Variants in PCDHA11 observed in about 807,000 individuals in gnomAD.
PCDHA11 encodes the protein protocadherin alpha 11.
Under a neutral mutation model 70.3 loss-of-function variants are expected in PCDHA11, and 61 were observed. The ratio of observed to expected loss-of-function variants is 0.87; its 90% CI spans 0.71 to 1.07. The LOEUF is 1.07. Ranked by LOEUF, PCDHA11 falls within the 50% of genes least tolerant of loss-of-function variation. The probability of loss-of-function intolerance (pLI) is 0.00; values close to 1 mark genes in which losing one functional copy is unlikely to be tolerated. For synonymous variants in PCDHA11, 633 were observed against 555.1 expected, an observed-to-expected ratio of 1.14 and a Z score of -1.97; for missense variants, 1,324 against 1,237.5, an observed-to-expected ratio of 1.07 and a Z score of -1.05.
rs1488505557 is a variant in PCDHA11 at position 140,967,448 on chromosome 5, A to G, written c.2392-11501A>G. The G allele has an allele frequency of 6.8e-6, 11 of 1,613,462 alleles. No individual in the cohort carries two copies. Among genetic ancestry groups the G allele is most frequent in the Non-Finnish European group, 9.3e-6 (11 of 1,179,888 alleles). On this transcript the variant is annotated intron_variant, in intron 1 of 3. Transcript: ENST00000398640. ...GGCAGCCTTGCACCACCTGGTTCTC[A>G]CAGCCGTGGATGGGGGCATCCCAGC...
chr5:140,935,230 CTA>C (rs1363291872), intron 1 of PCDHA11, among the ~76,000 whole-genome samples: 2 of 152,128 alleles, frequency 1.3e-5, no homozygotes, highest in African/African-American at 4.8e-5. Context: ...TAAGGGATGT[CTA>C]TTTTTTAAAA....
chr5:140,929,436 C>T, intron 1 of PCDHA11: 1 of 1,470,330 alleles, frequency 6.8e-7, no homozygotes, highest in Non-Finnish European at 9.1e-7. Context: ...TTGAACTAAA[C>T]ACTCCTTCTT....
At chr5:140,883,502 G>T in intron 1 of PCDHA11, 1 of 1,614,160 alleles carries the variant, frequency 6.2e-7, no homozygotes, top group Non-Finnish European at 8.5e-7. Context: ...GCTGGACAGC[G>T]CCCTGGACCG....
chr5:140,915,864 T>A (rs1170888594), intron 1 of PCDHA11, among the ~76,000 whole-genome samples: 1 of 152,166 alleles, frequency 6.6e-6, no homozygotes. Flanking sequence ...CAAGTTTGCA[T>A]CCTTCCCTTT....
intron 1 of PCDHA11, among the ~76,000 whole-genome samples, chr5:140,886,261 T>C (rs1162814294): frequency 1.3e-5 from 2 of 152,036 alleles, no homozygotes; most frequent in African/African-American, 4.8e-5. Context: ...TCTCTATTTA[T>C]AGATAAAATT....
At chr5:140,923,423 G>A (rs533295733) in intron 1 of PCDHA11, among the ~76,000 whole-genome samples, 1 of 152,142 alleles carries the variant, frequency 6.6e-6, no homozygotes. Context: ...GGCTACTTGG[G>A]AGGCTGGGGT....
chr5:140,870,638 A>G lies in PCDHA11; in HGVS notation c.1535A>G (p.Glu512Gly). The G allele has an allele frequency of 6.2e-7, 1 of 1,612,842 alleles. No individual in the cohort carries two copies. The highest frequency in any genetic ancestry group is 2.2e-5 in the East Asian group (1 of 44,864). Residue 512 changes from glutamate to glycine, a missense_variant, in exon 1 of 4, where the codon GAG becomes GGG. Physicochemically the swap from Glu to Gly is moderately conservative, Grantham distance 98. Coordinates refer to ENST00000398640, the MANE Select transcript of PCDHA11 (RefSeq NM_018902.5). The stretch of plus-strand genomic sequence containing the variant: ...TCGAGCTACGTGTCGGTGCACGCGG[A>G]GAGCGGCAAGGTGTACGCGCTGCAG... ...ALSSYVSVHA[E>G]SGKVYALQPL...
At chr5:140,909,523 C>G (rs1265179214) in intron 1 of PCDHA11, among the ~76,000 whole-genome samples, 1 of 152,172 alleles carries the variant, frequency 6.6e-6, no homozygotes, top group Non-Finnish European at 1.5e-5. Context: ...AACCCCTGCA[C>G]ATTTTGAGTC....
chr5:140,921,151 ATTT>A (rs11299094), intron 1 of PCDHA11, among the ~76,000 whole-genome samples: 3 of 151,512 alleles, frequency 2.0e-5, no homozygotes, highest in South Asian at 2.1e-4. Context: ...CAGCTAATGC[ATTT>A]TTTTTTTAAC....
At chr5:140,965,994 T>C (rs1377339531) in intron 1 of PCDHA11, among the ~76,000 whole-genome samples, 1 of 152,130 alleles carries the variant, frequency 6.6e-6, no homozygotes, top group Non-Finnish European at 1.5e-5. Context: ...TCTGCAGTAC[T>C]TAAGAGTGTC....
chr5:140,870,759 G>C lies in PCDHA11; in HGVS notation c.1656G>C (p.Val552=). 1 of 1,613,572 alleles carries C rather than the reference G, an allele frequency of 6.2e-7. No homozygotes were observed. Among genetic ancestry groups the C allele is most frequent in the South Asian group, 1.1e-5 (1 of 91,084 alleles). The change falls in exon 1 of 4, where the codon GTG becomes GTC. Residue 552 remains valine (V), a synonymous_variant. Coordinates refer to ENST00000398640, the MANE Select transcript of PCDHA11 (RefSeq NM_018902.5). ...PPLSSNVTLQ[V]FVLDENDNAP... ...TGAGCAGCAACGTGACGCTGCAGGTGTTCGTGCTGGACGAGAACGACAACG... is the reference window on the plus strand; with the variant it reads ...TGAGCAGCAACGTGACGCTGCAGGTCTTCGTGCTGGACGAGAACGACAACG...
chr5:140,929,522 T>G, intron 1 of PCDHA11: 1 of 727,900 alleles, frequency 1.4e-6, no homozygotes. Context: ...GACTTATAGT[T>G]TATTTTTGAG....
intron 1 of PCDHA11, chr5:140,967,309 A>G (rs782218334): frequency 6.2e-7 from 1 of 1,611,224 alleles, no homozygotes; most frequent in East Asian, 2.2e-5. Context: ...GCGCCAACTC[A>G]GTACAGACCT....
In PCDHA11 at chr5:140,870,563, C is replaced by G. The variant is rs1333019449; in HGVS notation, c.1460C>G (p.Ala487Gly). The G allele has an allele frequency of 6.2e-6, 10 of 1,613,994 alleles. No individual in the cohort carries two copies. Among genetic ancestry groups the G allele is most frequent in the Non-Finnish European group, 8.5e-6 (10 of 1,179,984 alleles). ...CGGGACGCGGACGCGCAGGAGAACG[C>G]GCTGGTGTCCTACTCGCTGGTGGAG... Reference protein sequence around the residue: ...SARDADAQENALVSYSLVERR... With the variant: ...SARDADAQENGLVSYSLVERR... Residue 487 changes from alanine (A) to glycine (G), a missense_variant, in exon 1 of 4, where the codon GCG becomes GGG. Physicochemically the swap from Ala to Gly is moderately conservative, Grantham distance 60 (BLOSUM62 0). Transcript: ENST00000398640.
intron 1 of PCDHA11, among the ~76,000 whole-genome samples, chr5:140,886,986 A>C (rs1246352877): frequency 6.6e-6 from 1 of 152,160 alleles, no homozygotes; most frequent in Non-Finnish European, 1.5e-5. Context: ...TGTAAATCCA[A>C]ATTTCCAGTT....
chr5:140,959,780 A>G (rs2095510657), intron 1 of PCDHA11, among the ~76,000 whole-genome samples: 1 of 152,262 alleles, frequency 6.6e-6, no homozygotes. Flanking sequence ...AACAGTGTAT[A>G]TTAACATGGC....
At position 141,010,838 on chromosome 5, in the gene PCDHA11, T is replaced by G. The variant is rs2154002200; in HGVS notation, c.*901T>G. 1.3e-5 allele frequency: 2 copies of G among 153,860 alleles called. No homozygotes were observed. The highest frequency in any genetic ancestry group is 2.9e-5 in the Non-Finnish European group (2 of 68,042). The allele number at this position is 153,860 out of a possible 1,614,324, so 9.5% of individuals were successfully genotyped here. On this transcript the variant is annotated 3_prime_UTR_variant, in exon 4 of 4. Coordinates refer to ENST00000398640, the MANE Select transcript of PCDHA11 (RefSeq NM_018902.5). ...TTTCGCTGTTTGTTGTTTCATAGAT[T>G]TATTTAAAAAAAGAGAAAGTCTATA...
intron 1 of PCDHA11, chr5:140,884,429 C>G: frequency 6.2e-7 from 1 of 1,613,964 alleles, no homozygotes. Flanking sequence ...GTATACTGCG[C>G]TGCGGTGCTC....
chr5:140,954,284 C>G (rs1719232084), intron 1 of PCDHA11, among the ~76,000 whole-genome samples: 1 of 152,158 alleles, frequency 6.6e-6, no homozygotes, highest in South Asian at 2.1e-4. Context: ...ATTTATATTC[C>G]TTTGGGTACA....
Sources: gnomAD v4.1 joint callset for allele counts (sites outside exome capture counted in the v4.1 genomes callset) on GRCh38, gnomAD v4.1.1 for gene constraint, MANE v1.5 for transcripts, NCBI Gene and HGNC (gene_info 2026-07-23, HGNC 2026-07-21) for gene names.